CENPQ: variants seen among roughly 807,000 people sequenced by gnomAD.
The protein encoded by CENPQ is chromosome 6 open reading frame 139.
A neutral mutation model predicts 36.6 loss-of-function variants in CENPQ; 27 were observed. The ratio of observed to expected loss-of-function variants is 0.74; its 90% CI spans 0.54 to 1.02. CENPQ has a LOEUF of 1.02. Among genes scored for constraint, CENPQ ranks in the 50% least tolerant of loss-of-function variants. The pLI is 0.00. For missense variants in CENPQ, 306 were observed against 301.8 expected, an observed-to-expected ratio of 1.01 and a Z score of -0.10; for synonymous variants, 101 against 101.7, an observed-to-expected ratio of 0.99 and a Z score of 0.04.
Position 49,492,273 on chromosome 6 carries a change from TAAAG to T in CENPQ, c.807_*3del. The T allele has an allele frequency of 6.4e-7, 1 of 1,572,036 alleles. No individual in the cohort carries two copies. On this transcript the variant is annotated stop_retained_variant and 3_prime_UTR_variant, in exon 9 of 9. Coordinates refer to ENST00000335783, the MANE Select transcript of CENPQ (RefSeq NM_018132.4). ...AGCCTATAAGAAACTGGATGCATCT[TAAAG>T]AGTGTTTTTTTTTTAGATTGTTCCA...
intron 1 of CENPQ, among the ~76,000 whole-genome samples, chr6:49,464,102 G>A (rs1767935710): frequency 6.6e-6 from 1 of 151,850 alleles, no homozygotes; most frequent in Non-Finnish European, 1.5e-5. Flanking sequence ...AATGTTATTA[G>A]AATAATACTT....
chr6:49,472,265 A>G (rs954550555), intron 4 of CENPQ, 82 bp downstream of exon 4: 17 of 1,148,308 alleles, frequency 1.5e-5, no homozygotes, highest in East Asian at 2.7e-5. Context: ...AAATATTGCT[A>G]TCTATTTTAA....
chr6:49,488,567 T>C (rs1219008771), intron 7 of CENPQ, 40 bp from the exon 8 acceptor site: 1 of 1,598,360 alleles, frequency 6.3e-7, no homozygotes, highest in South Asian at 1.1e-5. Context: ...ATGAGAGAAA[T>C]CAGCTTTTTG....
At position 49,488,638 on chromosome 6, in the gene CENPQ, C is replaced by G. The variant is rs774512323; in HGVS notation, c.629C>G (p.Ser210Cys). Residue 210 changes from serine (S) to cysteine (C), a missense_variant, in exon 8 of 9, where the codon TCT (serine) becomes TGT (cysteine). Transcript: ENST00000335783. ...CAAATAAATAGTAGTGGAGTACTCT[C>G]TCTTCCGGAACTTTCTCAGAAAACT... Reference protein sequence around the residue: ...MHQINSSGVLSLPELSQKTLK... With the variant: ...MHQINSSGVLCLPELSQKTLK... 3 of 1,613,564 alleles carry G rather than the reference C, an allele frequency of 1.9e-6. No homozygotes were observed. Among genetic ancestry groups the G allele is most frequent in the Admixed American group, 1.7e-5 (1 of 60,002 alleles).
At chr6:49,486,602 C>G (rs778214229) in intron 6 of CENPQ, among the ~76,000 whole-genome samples, 10 of 151,664 alleles carry the variant, frequency 6.6e-5, no homozygotes, top group Admixed American at 1.3e-4. Flanking sequence ...AGTTTGGAAC[C>G]TGATTAAAAC....
At chr6:49,482,185 G>A (rs539742365) in intron 6 of CENPQ, among the ~76,000 whole-genome samples, 14 of 152,304 alleles carry the variant, frequency 9.2e-5, no homozygotes, top group Middle Eastern at 3.4e-3. Context: ...CGCAGCCCCG[G>A]TTCCCGCTCG....
chr6:49,480,952 T>C lies in CENPQ; in HGVS notation c.349T>C (p.Leu117=). Residue 117 remains leucine (L), a splice_region_variant and synonymous_variant, in exon 6 of 9, where the codon TTG becomes CTG. Transcript: ENST00000335783. Reference sequence around the variant, plus strand: ...AATTGTTTTTATTTTATCCTTAAGATTGCTACAACAGTGTGAAACTCTGAA... The same window carrying C: ...AATTGTTTTTATTTTATCCTTAAGACTGCTACAACAGTGTGAAACTCTGAA... ...QYHLNFLKKR[L]LQQCETLKVP... The C allele has an allele frequency of 6.3e-7, 1 of 1,575,406 alleles. No homozygotes were observed. The highest frequency in any genetic ancestry group is 8.6e-7 in the Non-Finnish European group (1 of 1,163,114).
intron 6 of CENPQ, among the ~76,000 whole-genome samples, chr6:49,487,163 AAAAAAAT>A (rs1424721446): frequency 0.02 from 4 of 200 alleles, no homozygotes; most frequent in African/African-American, 0.02. Flanking sequence ...CAAAAAAAAA[AAAAAAAT>A]AAAAAAAATA....
rs78742523 is a variant in CENPQ, at chr6:49,485,313, G to A, written c.478-3039G>A. 3.8e-3 allele frequency among the ~76,000 whole-genome samples: 575 copies of A among 152,244 alleles called. 7 individuals are homozygous for A. Among genetic ancestry groups the A allele is most frequent in the African/African-American group, 0.013 (543 of 41,538 alleles). ...CGTGCTCTCACTCAGTAATGGTGCT[G>A]GGGAAACAACAATGGTGAACACCAT... On this transcript the variant is annotated intron_variant, in intron 6 of 8. Coordinates refer to ENST00000335783, the MANE Select transcript of CENPQ (RefSeq NM_018132.4).
intron 5 of CENPQ, among the ~76,000 whole-genome samples, chr6:49,479,238 A>G (rs2448707): frequency 0.64 from 97,469 of 151,926 alleles, 31,478 homozygotes; most frequent in Middle Eastern, 0.78. Context: ...TGCATCAAAC[A>G]AAGGTCTGTA....
At chr6:49,468,346 G>A (rs1052450502) in intron 1 of CENPQ, among the ~76,000 whole-genome samples, 13 of 151,890 alleles carry the variant, frequency 8.6e-5, no homozygotes, top group African/African-American at 2.2e-4. Flanking sequence ...TAATCTCAGC[G>A]CTTTGGGAGA....
rs58217464 is a variant in CENPQ, at chr6:49,492,157, C to T, written c.689C>T (p.Ala230Val). 1.9e-3 allele frequency: 3,008 copies of T among 1,596,494 alleles called. 35 individuals carry two copies. In the African/African-American group the frequency reaches 0.023, roughly 12 times the overall value. Reference sequence around the variant, plus strand: ...TCTTTCCCACAGAAAGAAATTTTGGCGCTAATTCCAAACCAGAATGCTCTT... The same window carrying T: ...TCTTTCCCACAGAAAGAAATTTTGGTGCTAATTCCAAACCAGAATGCTCTT... The part of the protein sequence containing the change: ...KAPTLQKEIL[A>V]LIPNQNALLK... The change falls in exon 9 of 9, where the codon GCG (alanine) becomes GTG (valine). Residue 230 changes from alanine to valine, a missense_variant. Ala to Val is a moderately conservative substitution (Grantham distance 64, BLOSUM62 0). Coordinates refer to ENST00000335783, the MANE Select transcript of CENPQ (RefSeq NM_018132.4).
chr6:49,481,247 T>G (rs1250578895), intron 6 of CENPQ, among the ~76,000 whole-genome samples, 167 bp downstream of exon 6: 1 of 152,180 alleles, frequency 6.6e-6, no homozygotes, highest in Non-Finnish European at 1.5e-5. Context: ...AGCAAAAATT[T>G]GTCTGAACTT....
At chr6:49,477,868 A>G (rs1208665764) in intron 5 of CENPQ, among the ~76,000 whole-genome samples, 1 of 152,244 alleles carries the variant, frequency 6.6e-6, no homozygotes, top group East Asian at 1.9e-4. Flanking sequence ...AGCTAATACA[A>G]GTATAATGAA....
At chr6:49,479,400 A>G (rs1768377640) in intron 5 of CENPQ, among the ~76,000 whole-genome samples, 1 of 152,220 alleles carries the variant, frequency 6.6e-6, no homozygotes, top group Non-Finnish European at 1.5e-5. Flanking sequence ...ATCACTAATT[A>G]CTAGAGAAAT....
At chr6:49,471,955 T>A in intron 3 of CENPQ, 108 bp from the exon 4 acceptor site, 2 of 1,249,846 alleles carry the variant, frequency 1.6e-6, no homozygotes, top group Non-Finnish European at 1.1e-6. Flanking sequence ...TTTATAATAT[T>A]TTGTTCTGAT....
chr6:49,471,132 G>C, intron 3 of CENPQ, 104 bp downstream of exon 3: 1 of 589,550 alleles, frequency 1.7e-6, no homozygotes, highest in Non-Finnish European at 2.6e-6. Context: ...GCAAAAGATA[G>C]TAATAAACAA....
Position 49,488,564 on chromosome 6 carries a change from A to G in CENPQ, c.598-43A>G, listed in dbSNP as rs778553504. 32 of 1,598,180 alleles carry G rather than the reference A, an allele frequency of 2.0e-5. No individual in the cohort carries two copies. The East Asian group carries it at 2.2e-4, about 11-fold the overall frequency. On this transcript the variant is annotated intron_variant, in intron 7 of 8. Transcript: ENST00000335783. The stretch of plus-strand genomic sequence containing the variant: ...ACTTTCGAGTATAATATGATGAGAG[A>G]AATCAGCTTTTTGAAATAATCTGTA...
intron 8 of CENPQ, among the ~76,000 whole-genome samples, chr6:49,491,631 A>G (rs556968439): frequency 6.6e-6 from 1 of 152,274 alleles, no homozygotes; most frequent in East Asian, 1.9e-4. Flanking sequence ...AAATTTTCCT[A>G]TTGGCTGGGC....
Sources: gnomAD v4.1 joint callset for allele counts (sites outside exome capture counted in the v4.1 genomes callset) on GRCh38, gnomAD v4.1.1 for gene constraint, MANE v1.5 for transcripts, NCBI Gene and HGNC (gene_info 2026-07-23, HGNC 2026-07-21) for gene names.